SLC37A1: variants seen among roughly 807,000 people sequenced by gnomAD.
SLC37A1 encodes the protein solute carrier family 37 member 1, also known as glucose-6-phosphate exchanger SLC37A1.
SLC37A1 carries 49 observed loss-of-function variants against 75.3 expected under a neutral mutation model. The ratio of observed to expected loss-of-function variants is 0.65; its 90% CI spans 0.52 to 0.83. SLC37A1 has a LOEUF of 0.83. Among genes scored for constraint, SLC37A1 ranks in the 40% least tolerant of loss-of-function variants. The pLI, the probability that SLC37A1 is intolerant of heterozygous loss-of-function variation, is 0.00. For synonymous variants in SLC37A1, 268 were observed against 292.1 expected (o/e 0.92, Z 0.84); for missense variants, 566 against 695.0 (o/e 0.81, Z 2.09).
intron 3 of SLC37A1, among the ~76,000 whole-genome samples, chr21:42,527,872 C>T (rs1336084840): frequency 2.6e-5 from 4 of 152,164 alleles, no homozygotes; most frequent in Non-Finnish European, 4.4e-5. Flanking sequence ...ATCAGAACAT[C>T]ACACCACATC....
chr21:42,508,499 C>A (rs2054405403), intron 2 of SLC37A1: 3 of 152,148 alleles, frequency 2.0e-5, no homozygotes, highest in Admixed American at 2.0e-4. Context: ...TGCACTAGCT[C>A]AACTGCAAGA....
intron 12 of SLC37A1, among the ~76,000 whole-genome samples, chr21:42,562,614 A>G (rs886612283): frequency 6.6e-6 from 1 of 152,200 alleles, no homozygotes; most frequent in Non-Finnish European, 1.5e-5. Context: ...TTTATGTTTC[A>G]GAAGCCCCGC....
Position 42,503,491 on chromosome 21 carries a change from C to T in SLC37A1, c.-179+1074C>T, listed in dbSNP as rs553879138. Among the ~76,000 whole-genome samples, 23 of 152,128 alleles carry T rather than the reference C, an allele frequency of 1.5e-4. No individual in the cohort carries two copies. In the South Asian group the frequency reaches 4.6e-3, roughly 30 times the overall value. ...TCAACAACATGTGGATCAAGAGATCCACTCACCTCAGCCTCCCAAAGTGCT... is the reference window on the plus strand; with the variant it reads ...TCAACAACATGTGGATCAAGAGATCTACTCACCTCAGCCTCCCAAAGTGCT... On this transcript the variant is annotated intron_variant, in intron 2 of 20. Transcript: ENST00000398341.
Position 42,554,081 on chromosome 21 carries a change from AT to A in SLC37A1, c.789del (p.Asn263LysfsTer6). ...TACCAGCACTCAAAAGGCTATGAGA[AT>A]GGTACAAACAGATTGAGACTCCAGA... Reference protein sequence around the residue: ...TLVTHSKGYENGTNRLRLQKQ... With the variant: ...TLVTHSKGYEXGTNRLRLQKQ... On this transcript the variant is annotated frameshift_variant, in exon 10 of 20. Transcript: ENST00000352133. LOFTEE classifies it high-confidence loss of function. The A allele has an allele frequency of 6.2e-7, 1 of 1,612,974 alleles. No individual in the cohort carries two copies. Among genetic ancestry groups the A allele is most frequent in the Non-Finnish European group, 8.5e-7 (1 of 1,179,442 alleles).
At chr21:42,509,026 T>C (rs1159472233), upstream of SLC37A1, among the ~76,000 whole-genome samples, 1 of 152,250 alleles carries the variant, frequency 6.6e-6, no homozygotes, top group Non-Finnish European at 1.5e-5. This position sits in a 1 kb window ranked among gnomAD's most constrained non-coding sequence, Gnocchi z 4.2. Flanking sequence ...CACAGCCTTC[T>C]GTCTTTATGT....
At chr21:42,513,160 C>T (rs940065181), upstream of SLC37A1, among the ~76,000 whole-genome samples, 1 of 152,184 alleles carries the variant, frequency 6.6e-6, no homozygotes, top group Non-Finnish European at 1.5e-5. Context: ...GCAGTAGCTT[C>T]TAGGGGACTG....
At chr21:42,561,133 A>G (rs1569029252) in intron 11 of SLC37A1, among the ~76,000 whole-genome samples, 2 of 152,140 alleles carry the variant, frequency 1.3e-5, no homozygotes, top group African/African-American at 2.4e-5. Flanking sequence ...GAAGACATCA[A>G]CTCGTTTCAT....
Position 42,539,525 on chromosome 21 carries a change from G to C in SLC37A1, c.364G>C (p.Glu122Gln), listed in dbSNP as rs2146865030. The C allele has an allele frequency of 6.2e-7, 1 of 1,612,744 alleles. No individual in the cohort carries two copies. Among genetic ancestry groups the C allele is most frequent in the Middle Eastern group, 1.7e-4 (1 of 6,046 alleles). ...VGMYLSGIIG[E>Q]RLPIRYYLTF... ...TCTCCACCTCAGTGGCATCATTGGG[G>C]AGCGCCTGCCGATTAGGTATTACCT... The change falls in exon 6 of 20, where the codon GAG becomes CAG. Residue 122 changes from glutamate to glutamine, a missense_variant. Glu to Gln is a conservative substitution (Grantham distance 29). Transcript: ENST00000352133.
rs759469505 is a variant in SLC37A1, at chr21:42,574,847, C to G, written c.1453C>G (p.Leu485Val). 3 of 1,614,188 alleles carry G rather than the reference C, an allele frequency of 1.9e-6. No individual in the cohort carries two copies. In the Admixed American group the frequency reaches 5.0e-5, roughly 27 times the overall value. ...AGCCCTGGGCCCCCTGCTGGCTGGG[C>G]TCCTCTCCCCGTCCGGCTGGAGCAA... is the stretch of plus-strand genomic sequence containing the variant. ...GAALGPLLAG[L>V]LSPSGWSNVF... Residue 485 changes from leucine to valine, a missense_variant, in exon 18 of 20, where the codon CTC becomes GTC. Leu to Val is a conservative substitution (Grantham distance 32). Transcript: ENST00000352133.
intron 18 of SLC37A1, among the ~76,000 whole-genome samples, chr21:42,577,424 A>G (rs1181933801): frequency 6.6e-6 from 1 of 152,250 alleles, no homozygotes; most frequent in Non-Finnish European, 1.5e-5. Flanking sequence ...TTTACAGAAA[A>G]AGCTTTCTGA....
chr21:42,572,616 T>TTTTA (rs1414114240), intron 17 of SLC37A1, among the ~76,000 whole-genome samples: 1 of 150,060 alleles, frequency 6.7e-6, no homozygotes, highest in Non-Finnish European at 1.5e-5. Flanking sequence ...GTGCATCCTG[T>TTTTA]TTTATTTCAT....
rs1274232935 is a variant in SLC37A1, at chr21:42,565,876, G to T, written c.1270+1G>T. ...AAGATGGGGCTTGAGGCCACCATCG[G>T]TGAGTATGGAGGCCTTCCTGCTTTT... On this transcript the variant is annotated splice_donor_variant, in intron 15 of 19. Coordinates refer to ENST00000352133, the MANE Select transcript of SLC37A1 (RefSeq NM_001320537.2). LOFTEE classifies it high-confidence loss of function. The T allele has an allele frequency of 6.2e-7, 1 of 1,613,594 alleles. No individual in the cohort carries two copies. The highest frequency in any genetic ancestry group is 1.3e-5 in the African/African-American group (1 of 74,920).
chr21:42,571,656 C>A (rs1404051405), intron 17 of SLC37A1, among the ~76,000 whole-genome samples: 2 of 152,076 alleles, frequency 1.3e-5, no homozygotes, highest in African/African-American at 2.4e-5. Flanking sequence ...GAAGAGGGGA[C>A]CTGGCTCCCT....
rs1379863454 is a variant in SLC37A1 at position 42,518,428 on chromosome 21, G to A, written c.-27G>A. 26 of 1,613,862 alleles carry A rather than the reference G, an allele frequency of 1.6e-5. No homozygotes were observed. Among genetic ancestry groups the A allele is most frequent in the Middle Eastern group, 1.6e-4 (1 of 6,082 alleles). ...TTATGAAGCATCTTATTCTGCGACC[G>A]AGGCTCAGTGGTCAGTGGCGACGTA... On this transcript the variant is annotated 5_prime_UTR_variant, in exon 2 of 20. Transcript: ENST00000352133.
chr21:42,547,322 C>G lies in SLC37A1; in HGVS notation c.768+182C>G, dbSNP rs2055434973. 1.1e-5 allele frequency: 7 copies of G among 639,930 alleles called. No homozygotes were observed. The highest frequency in any genetic ancestry group is 1.6e-5 in the Non-Finnish European group (6 of 365,256). The allele number at this position is 639,930 out of a possible 1,614,324, so 39.6% of individuals were successfully genotyped here. A position where few individuals can be genotyped will look rare whatever the true frequency, so the allele number is the denominator to read the frequency against. ...TGTTTTGGGTTTCGCTGATAATAAC[C>G]TTATCAGCAAAACCCAGACAAGAGG... On this transcript the variant is annotated intron_variant, in intron 9 of 19. Coordinates refer to ENST00000352133, the MANE Select transcript of SLC37A1 (RefSeq NM_001320537.2). This position sits in a 1 kb window ranked among gnomAD's most constrained non-coding sequence, Gnocchi z 6.1.
At chr21:42,539,751 A>C in intron 6 of SLC37A1, 104 bp downstream of exon 6, 1 of 1,182,560 alleles carries the variant, frequency 8.5e-7, no homozygotes, top group Non-Finnish European at 1.2e-6. Context: ...GAAGGGGCAG[A>C]AGTGCGTCCT....
intron 18 of SLC37A1, among the ~76,000 whole-genome samples, chr21:42,578,312 A>C (rs2056348434): frequency 6.6e-6 from 1 of 152,188 alleles, no homozygotes; most frequent in Non-Finnish European, 1.5e-5. Flanking sequence ...TCATTCTTGC[A>C]TGCGTGAGCC....
At chr21:42,512,084 A>C (rs996248020), upstream of SLC37A1, among the ~76,000 whole-genome samples, 41 of 152,112 alleles carry the variant, frequency 2.7e-4, no homozygotes, top group African/African-American at 9.6e-4. Context: ...ACCAAAAAAA[A>C]AAAAATAATG....
intron 2 of SLC37A1, among the ~76,000 whole-genome samples, chr21:42,507,067 G>T (rs2054390173): frequency 6.6e-6 from 1 of 152,036 alleles, no homozygotes; most frequent in South Asian, 2.1e-4. Context: ...TATTTCAGTA[G>T]AGACGGGATT....
Sources: allele counts gnomAD v4.1 joint callset (sites outside exome capture counted in the v4.1 genomes callset), GRCh38; gene constraint gnomAD v4.1.1; non-coding constraint Gnocchi (gnomAD v3.1); transcripts MANE v1.5; gene names NCBI Gene and HGNC (gene_info 2026-07-23, HGNC 2026-07-21).